Variants in DNM3 observed in about 807,000 individuals in gnomAD.
The protein encoded by DNM3 is dynamin-3.
A neutral mutation model predicts 101.6 loss-of-function variants in DNM3; 47 were observed. That is an observed-to-expected ratio of 0.46 (90% CI 0.37 to 0.59). DNM3 has a LOEUF of 0.59. Among genes scored for constraint, DNM3 ranks in the 20% least tolerant of loss-of-function variants. The probability of loss-of-function intolerance (pLI) is 0.00; values close to 1 mark genes in which losing one functional copy is unlikely to be tolerated. For missense variants in DNM3, 849 were observed against 1,085.7 expected, an observed-to-expected ratio of 0.78 and a Z score of 3.06; for synonymous variants, 385 against 387.9, an observed-to-expected ratio of 0.99 and a Z score of 0.09.
At chr1:172,264,080 G>A (rs547080657) in intron 15 of DNM3, among the ~76,000 whole-genome samples, 1 of 152,332 alleles carries the variant, frequency 6.6e-6, no homozygotes, top group South Asian at 2.1e-4. Context: ...AAAAGAGTTA[G>A]CATCATAGAA....
At chr1:172,083,278 G>C (rs4576686) in intron 12 of DNM3, among the ~76,000 whole-genome samples, 3 of 141,436 alleles carry the variant, frequency 2.1e-5, no homozygotes, top group African/African-American at 3.0e-5. Context: ...TATAGTGGGT[G>C]GGGGGGGAAT....
chr1:172,087,296 C>A (rs2053599773), intron 12 of DNM3, among the ~76,000 whole-genome samples: 2 of 152,138 alleles, frequency 1.3e-5, no homozygotes, highest in African/African-American at 4.8e-5. Context: ...ATTCTTTAAT[C>A]AATTTTCCAC....
chr1:172,200,714 G>C (rs572337715), intron 14 of DNM3, among the ~76,000 whole-genome samples: 13 of 152,124 alleles, frequency 8.5e-5, no homozygotes, highest in South Asian at 6.2e-4. Context: ...ACTTGTGACT[G>C]CATTCTTGTA....
At chr1:171,988,680 G>T (rs939223487) in intron 3 of DNM3, among the ~76,000 whole-genome samples, 4 of 152,158 alleles carry the variant, frequency 2.6e-5, no homozygotes, top group African/African-American at 9.7e-5. Flanking sequence ...TTACAGATAT[G>T]ACAGCTTTCT....
chr1:172,186,799 C>T (rs968074209), intron 14 of DNM3, among the ~76,000 whole-genome samples: 3 of 152,188 alleles, frequency 2.0e-5, no homozygotes, highest in African/African-American at 7.2e-5. Flanking sequence ...TTAAGAACAT[C>T]GTAGGAGTTA....
chr1:172,307,093 C>G (rs568572268), intron 15 of DNM3, among the ~76,000 whole-genome samples: 15 of 152,264 alleles, frequency 9.9e-5, no homozygotes, highest in African/African-American at 3.6e-4. Flanking sequence ...AACAGGCAAC[C>G]TACAGAGTGG....
intron 14 of DNM3, among the ~76,000 whole-genome samples, chr1:172,226,909 A>G (rs1224354744): frequency 6.6e-6 from 1 of 151,942 alleles, no homozygotes; most frequent in Non-Finnish European, 1.5e-5. Context: ...AAATTTTTTA[A>G]TTTTTTTATT....
At chr1:172,338,233 A>G (rs1301378246) in intron 17 of DNM3, among the ~76,000 whole-genome samples, 1 of 152,158 alleles carries the variant, frequency 6.6e-6, no homozygotes, top group African/African-American at 2.4e-5. Context: ...TTCATTTTAA[A>G]CAAACTGCCA....
intron 17 of DNM3, among the ~76,000 whole-genome samples, chr1:172,371,033 G>T (rs1385628704): frequency 1.3e-5 from 2 of 151,900 alleles, no homozygotes; most frequent in African/African-American, 4.8e-5. Context: ...AAAGTCTTTG[G>T]AATAATTCTC....
chr1:171,951,070 A>G (rs556672776), intron 2 of DNM3, among the ~76,000 whole-genome samples: 2 of 152,180 alleles, frequency 1.3e-5, no homozygotes, highest in African/African-American at 4.8e-5. Flanking sequence ...TAAAGACAAC[A>G]TGACTAATTA....
At chr1:172,338,296 A>C (rs2148952277) in intron 17 of DNM3, among the ~76,000 whole-genome samples, 1 of 152,322 alleles carries the variant, frequency 6.6e-6, no homozygotes, top group Non-Finnish European at 1.5e-5. Flanking sequence ...AGGTACTAAC[A>C]GCAGCCAGAG....
chr1:172,317,511 AAGAG>A, intron 16 of DNM3, among the ~76,000 whole-genome samples: 1 of 152,306 alleles, frequency 6.6e-6, no homozygotes, highest in South Asian at 2.1e-4. Context: ...TAAAGAAAAA[AAGAG>A]AGAAGAATCA....
chr1:171,842,342 C>T (rs1004050391), intron 1 of DNM3, among the ~76,000 whole-genome samples: 1 of 152,194 alleles, frequency 6.6e-6, no homozygotes, highest in African/African-American at 2.4e-5. Context: ...GTTCTCGTTC[C>T]TCTCAGCTGT....
intron 13 of DNM3, among the ~76,000 whole-genome samples, chr1:172,128,356 G>A (rs1464571889): frequency 2.0e-5 from 3 of 152,072 alleles, no homozygotes; most frequent in African/African-American, 7.2e-5. Context: ...TTCCCAAACT[G>A]GGTCTTTTTC....
At chr1:171,979,578 ATTG>A (rs1308255613) in intron 2 of DNM3, among the ~76,000 whole-genome samples, 1 of 152,142 alleles carries the variant, frequency 6.6e-6, no homozygotes, top group African/African-American at 2.4e-5. Flanking sequence ...CTGGATTCTG[ATTG>A]TTGTTTTGGA....
At chr1:172,047,057 A>G (rs1299160617) in intron 9 of DNM3, among the ~76,000 whole-genome samples, 4 of 152,188 alleles carry the variant, frequency 2.6e-5, no homozygotes, top group African/African-American at 7.2e-5. Flanking sequence ...TGTCCTGAGC[A>G]TAAGACATAC....
At chr1:172,288,984 C>A (rs2063801460) in intron 15 of DNM3, among the ~76,000 whole-genome samples, 1 of 152,050 alleles carries the variant, frequency 6.6e-6, no homozygotes, top group Non-Finnish European at 1.5e-5. Context: ...AGTTCCGTTT[C>A]CTAATATATA....
chr1:172,125,301 G>A (rs1421210201), intron 13 of DNM3, among the ~76,000 whole-genome samples: 3 of 152,136 alleles, frequency 2.0e-5, no homozygotes, highest in Non-Finnish European at 4.4e-5. Context: ...CCTGCTCACA[G>A]GGTTCAAGAC....
chr1:172,048,584 C>A, intron 9 of DNM3, 28 bp from the exon 10 acceptor site: 1 of 1,580,208 alleles, frequency 6.3e-7, no homozygotes, highest in Non-Finnish European at 8.6e-7. Flanking sequence ...AAAAAAATCT[C>A]ATGGGCTGCT....
Sources: allele counts gnomAD v4.1 joint callset (sites outside exome capture counted in the v4.1 genomes callset), GRCh38; gene constraint gnomAD v4.1.1; transcripts MANE v1.5; gene names NCBI Gene and HGNC (gene_info 2026-07-23, HGNC 2026-07-21).